Variants in EYA4 observed in about 807,000 individuals in gnomAD.
EYA4 encodes EYA transcriptional coactivator and phosphatase 4.
In EYA4, 31 loss-of-function variants were observed where a neutral mutation model predicts 87.9. The observed-to-expected ratio is 0.35, with a 90% CI of 0.27 to 0.48. The LOEUF is 0.48. Among genes scored for constraint, EYA4 ranks in the 20% least tolerant of loss-of-function variants. EYA4 has a pLI of 0.99. For synonymous variants in EYA4, 263 were observed against 270.6 expected, an observed-to-expected ratio of 0.97 and a Z score of 0.28; for missense variants, 678 against 761.4, an observed-to-expected ratio of 0.89 and a Z score of 1.29.
chr6:133,396,201 T>G (rs981036500), intron 3 of EYA4, among the ~76,000 whole-genome samples: 7 of 152,230 alleles, frequency 4.6e-5, no homozygotes, highest in South Asian at 2.1e-4. Context: ...CATTCTGTCA[T>G]GTGATTAATT....
intron 13 of EYA4, among the ~76,000 whole-genome samples, chr6:133,501,562 T>C (rs191450787): frequency 4.2e-4 from 64 of 152,298 alleles, no homozygotes; most frequent in African/African-American, 1.4e-3. Context: ...TTTTATCTCT[T>C]ATGATTTAAA....
chr6:133,406,078 G>T (rs1788682177), intron 3 of EYA4, among the ~76,000 whole-genome samples: 1 of 152,044 alleles, frequency 6.6e-6, no homozygotes, highest in Non-Finnish European at 1.5e-5. Flanking sequence ...CATTGTATCA[G>T]ATTACTTTAT....
intron 6 of EYA4, among the ~76,000 whole-genome samples, chr6:133,460,420 C>A (rs1185884285): frequency 1.3e-5 from 2 of 152,122 alleles, no homozygotes; most frequent in Non-Finnish European, 1.5e-5. Flanking sequence ...TTTGGATGAA[C>A]TGTTAATAGG....
At chr6:133,428,961 C>T (rs1790937336) in intron 3 of EYA4, among the ~76,000 whole-genome samples, 1 of 98,396 alleles carries the variant, frequency 1.0e-5, no homozygotes, top group African/African-American at 3.9e-5. Context: ...GAGTCTCACT[C>T]TGTTGCCCAG....
chr6:133,325,230 T>G (rs957130596), intron 2 of EYA4: 2 of 152,258 alleles, frequency 1.3e-5, no homozygotes, highest in Non-Finnish European at 2.9e-5. Context: ...TAAAGCCAGC[T>G]GGCACATTTA....
At chr6:133,462,900 T>C (rs1398478463) in intron 9 of EYA4, 136 bp downstream of exon 9, 2 of 824,928 alleles carry the variant, frequency 2.4e-6, no homozygotes, top group Non-Finnish European at 4.0e-6. Flanking sequence ...TAAAGAAAGA[T>C]AACTAGACAG....
chr6:133,366,446 A>G (rs982146412), intron 2 of EYA4, among the ~76,000 whole-genome samples: 1 of 152,196 alleles, frequency 6.6e-6, no homozygotes, highest in Non-Finnish European at 1.5e-5. Flanking sequence ...ACAGTAGTTA[A>G]GGCATGGCAC....
intron 11 of EYA4, among the ~76,000 whole-genome samples, 200 bp downstream of exon 11, chr6:133,468,931 G>T (rs1442935065): frequency 6.6e-6 from 1 of 152,030 alleles, no homozygotes; most frequent in Non-Finnish European, 1.5e-5. Context: ...ACAGATAGGC[G>T]ATTTTAATCT....
Position 133,341,309 on chromosome 6 carries a change from C to T in EYA4, c.34-41083C>T, listed in dbSNP as rs182163134. Reference sequence around the variant, plus strand: ...CCACTTACCTTTAAAATTTAAATTACCATATAGGTTAAATTCATTCACCTG... The same window carrying T: ...CCACTTACCTTTAAAATTTAAATTATCATATAGGTTAAATTCATTCACCTG... On this transcript the variant is annotated intron_variant, in intron 2 of 19. Transcript: ENST00000355286. 1.8e-3 allele frequency among the ~76,000 whole-genome samples: 270 copies of T among 152,254 alleles called. 1 individual carries two copies. Among genetic ancestry groups the T allele is most frequent in the African/African-American group, 6.3e-3 (262 of 41,548 alleles).
At chr6:133,395,987 A>G (rs922192090) in intron 3 of EYA4, among the ~76,000 whole-genome samples, 21 of 152,196 alleles carry the variant, frequency 1.4e-4, no homozygotes, top group African/African-American at 4.8e-4. Flanking sequence ...AAAATGTAAT[A>G]ATCAAGAATT....
rs73557712 is a variant in EYA4 at position 133,257,457 on chromosome 6, A to G, written c.-66+15708A>G. 2.2e-3 allele frequency among the ~76,000 whole-genome samples: 328 copies of G among 152,308 alleles called. 2 individuals are homozygous for G. Among genetic ancestry groups the G allele is most frequent in the African/African-American group, 7.4e-3 (309 of 41,560 alleles). On this transcript the variant is annotated intron_variant, in intron 1 of 19. Transcript: ENST00000355286. ...ACTTAGCAAATGAAATGGAGAGGTAATAAATATGACTGATATTTATTTCTT... is the reference window on the plus strand; with the variant it reads ...ACTTAGCAAATGAAATGGAGAGGTAGTAAATATGACTGATATTTATTTCTT...
chr6:133,299,933 ATCTATC>A (rs1779252575), intron 2 of EYA4, among the ~76,000 whole-genome samples: 5 of 81,148 alleles, frequency 6.2e-5, no homozygotes, highest in African/African-American at 2.4e-4. Context: ...ATCTCTATCT[ATCTATC>A]TATCTATCTA....
At chr6:133,267,913 G>A (rs1275568882) in intron 1 of EYA4, among the ~76,000 whole-genome samples, 1 of 152,094 alleles carries the variant, frequency 6.6e-6, no homozygotes, top group East Asian at 1.9e-4. Context: ...TACAGAGATG[G>A]ATTGCTTTCT....
At chr6:133,372,057 G>T (rs1785306224) in intron 2 of EYA4, among the ~76,000 whole-genome samples, 1 of 152,030 alleles carries the variant, frequency 6.6e-6, no homozygotes, top group African/African-American at 2.4e-5. Flanking sequence ...AATTGTTTAT[G>T]ACAGTCCAGA....
At chr6:133,269,360 T>C (rs2128254497) in intron 1 of EYA4, among the ~76,000 whole-genome samples, 1 of 152,336 alleles carries the variant, frequency 6.6e-6, no homozygotes, top group Admixed American at 6.5e-5. Context: ...CCTTTTCATA[T>C]GCAGTTTAAA....
At chr6:133,332,528 T>C (rs193191700) in intron 2 of EYA4, among the ~76,000 whole-genome samples, 3 of 152,204 alleles carry the variant, frequency 2.0e-5, no homozygotes, top group Admixed American at 1.3e-4. Context: ...CCAAGACTTC[T>C]TCCACTTTGA....
At chr6:133,346,499 T>G (rs1583020917) in intron 2 of EYA4, among the ~76,000 whole-genome samples, 1 of 152,350 alleles carries the variant, frequency 6.6e-6, no homozygotes, top group East Asian at 1.9e-4. Context: ...TTAAAAATCT[T>G]ATCATTAGCA....
chr6:133,404,830 G>T (rs945150327), intron 3 of EYA4, among the ~76,000 whole-genome samples: 1 of 152,206 alleles, frequency 6.6e-6, no homozygotes, highest in Non-Finnish European at 1.5e-5. Flanking sequence ...CTTGTATCCA[G>T]TTTCTAGTCT....
intron 19 of EYA4, 27 bp from the exon 20 acceptor site, chr6:133,528,698 C>T (rs1231561570): frequency 6.7e-7 from 1 of 1,496,342 alleles, no homozygotes; most frequent in African/African-American, 1.4e-5. Flanking sequence ...CTTCTCTCTC[C>T]CATCCCTCCT....
Sources: allele counts gnomAD v4.1 joint callset (sites outside exome capture counted in the v4.1 genomes callset), GRCh38; gene constraint gnomAD v4.1.1; transcripts MANE v1.5; gene names NCBI Gene and HGNC (gene_info 2026-07-23, HGNC 2026-07-21).